GPR141: variants seen among roughly 807,000 people sequenced by gnomAD.
GPR141 encodes G protein-coupled receptor 141, also known as probable G protein-coupled receptor 141.
Under a neutral mutation model 6.8 loss-of-function variants are expected in GPR141, and 6 were observed. The ratio of observed to expected loss-of-function variants is 0.88; its 90% CI spans 0.48 to 1.74. The LOEUF (loss-of-function observed/expected upper bound fraction) is 1.74. GPR141 is among the 40% of genes most tolerant of loss of function. The pLI is 0.01. For synonymous variants in GPR141, 140 were observed against 142.3 expected (o/e 0.98, Z 0.11); for missense variants, 372 against 372.9 (o/e 1.00, Z 0.02).
At chr7:37,718,586 A>C (rs1186753145) in intron 2 of GPR141, among the ~76,000 whole-genome samples, 1 of 152,136 alleles carries the variant, frequency 6.6e-6, no homozygotes, top group African/African-American at 2.4e-5. Flanking sequence ...TCTAGAAAAG[A>C]AGGTTTAGAG....
At chr7:37,730,171 C>T (rs1171391499) in intron 2 of GPR141, 7 of 152,138 alleles carry the variant, frequency 4.6e-5, no homozygotes, top group Non-Finnish European at 1.0e-4. Flanking sequence ...CCTTCTTTCT[C>T]TTCTCTCTTT....
chr7:37,715,141 G>A (rs1810985599), intron 2 of GPR141, among the ~76,000 whole-genome samples: 1 of 152,120 alleles, frequency 6.6e-6, no homozygotes, highest in African/African-American at 2.4e-5. Flanking sequence ...GTGTTTTAGA[G>A]ACAGAGTCTC....
chr7:37,705,386 A>G (rs1810481283), intron 2 of GPR141, among the ~76,000 whole-genome samples: 1 of 152,206 alleles, frequency 6.6e-6, no homozygotes, highest in Non-Finnish European at 1.5e-5. Flanking sequence ...ACATCTAGAG[A>G]ATGTATTCTC....
intron 2 of GPR141, among the ~76,000 whole-genome samples, chr7:37,702,002 T>A (rs1810297500): frequency 1.3e-5 from 2 of 152,194 alleles, no homozygotes; most frequent in Non-Finnish European, 2.9e-5. Context: ...GCAACCTACA[T>A]GGTTTAAGGC....
At position 37,690,792 on chromosome 7, in the gene GPR141, C is replaced by T. The variant is rs539801618; in HGVS notation, c.-15+5209C>T. ...AAAAAAAAAAAGTGTATTCTGCAGCCGCTAGATGAAATGTTCTGTAAATAT... is the reference window on the plus strand; with the variant it reads ...AAAAAAAAAAAGTGTATTCTGCAGCTGCTAGATGAAATGTTCTGTAAATAT... On this transcript the variant is annotated intron_variant, in intron 2 of 2. Transcript: ENST00000334425. 8.1e-4 allele frequency among the ~76,000 whole-genome samples: 123 copies of T among 152,022 alleles called. No individual in the cohort carries two copies. In the Middle Eastern group the frequency reaches 0.02, roughly 25 times the overall value.
intron 2 of GPR141, among the ~76,000 whole-genome samples, chr7:37,733,981 G>A (rs1812113700): frequency 6.6e-6 from 1 of 152,064 alleles, no homozygotes; most frequent in South Asian, 2.1e-4. Flanking sequence ...AGACCAGCCT[G>A]GGCAACATGG....
rs143169383 is a variant in GPR141 at position 37,741,061 on chromosome 7, C to A, written c.668C>A (p.Ala223Asp). 3.2e-4 allele frequency: 524 copies of A among 1,614,104 alleles called. No homozygotes were observed. The highest frequency in any genetic ancestry group is 4.1e-4 in the Non-Finnish European group (483 of 1,179,962). Reference protein sequence around the residue: ...HSLLSHQEFWAQLKNLFFIGV... With the variant: ...HSLLSHQEFWDQLKNLFFIGV... ...TTACTATCCCACCAGGAGTTCTGGG[C>A]TCAGCTGAAAAACCTATTTTTTATA... is the stretch of plus-strand genomic sequence containing the variant. Residue 223 changes from alanine (A) to aspartate (D), a missense_variant, in exon 3 of 3, where the codon GCT becomes GAT. Ala to Asp is a moderately radical substitution (Grantham distance 126, BLOSUM62 -2). Transcript: ENST00000334425.
chr7:37,714,690 C>G (rs900302607), intron 2 of GPR141, among the ~76,000 whole-genome samples: 3 of 152,208 alleles, frequency 2.0e-5, no homozygotes, highest in Non-Finnish European at 2.9e-5. Flanking sequence ...TCCTCACTTT[C>G]CAATGAATAT....
chr7:37,716,976 TA>T (rs1414244599), intron 2 of GPR141, among the ~76,000 whole-genome samples: 2 of 152,176 alleles, frequency 1.3e-5, no homozygotes, highest in African/African-American at 4.8e-5. Flanking sequence ...TGTGAGCATT[TA>T]AAAGGGCTCA....
chr7:37,709,386 G>A (rs1393478176), intron 2 of GPR141, among the ~76,000 whole-genome samples: 1 of 152,112 alleles, frequency 6.6e-6, no homozygotes, highest in African/African-American at 2.4e-5. Flanking sequence ...TTATGTGAGT[G>A]GAGCATAATT....
At chr7:37,698,524 T>C (rs1810130391) in intron 2 of GPR141, among the ~76,000 whole-genome samples, 1 of 152,040 alleles carries the variant, frequency 6.6e-6, no homozygotes, top group African/African-American at 2.4e-5. Flanking sequence ...TTAGAAACAG[T>C]CTGTGGAAGG....
At chr7:37,723,417 GAA>G (rs759149640) in intron 2 of GPR141, among the ~76,000 whole-genome samples, 1 of 145,684 alleles carries the variant, frequency 6.9e-6, no homozygotes, top group African/African-American at 2.5e-5. Flanking sequence ...TTACTAGGAA[GAA>G]AAAAAAAAAG....
chr7:37,708,763 C>T (rs1424811098), intron 2 of GPR141, among the ~76,000 whole-genome samples: 1 of 152,098 alleles, frequency 6.6e-6, no homozygotes, highest in Non-Finnish European at 1.5e-5. Context: ...CAAATGCTTT[C>T]CTTAAAGCAC....
chr7:37,715,578 A>G (rs1449733854), intron 2 of GPR141, among the ~76,000 whole-genome samples: 1 of 152,208 alleles, frequency 6.6e-6, no homozygotes, highest in Non-Finnish European at 1.5e-5. Context: ...TTAGTTCCAT[A>G]TTACAGATGA....
rs1247526767 is a variant in GPR141 at position 37,740,524 on chromosome 7, A to G, written c.131A>G (p.Lys44Arg). ...GVISILFLLV[K>R]MNTRSVTTMA... ...ATTTCCATTCTTTTCCTCCTGGTGAAAATGAACACCCGGTCAGTGACCACC... is the reference window on the plus strand; with the variant it reads ...ATTTCCATTCTTTTCCTCCTGGTGAGAATGAACACCCGGTCAGTGACCACC... The change falls in exon 3 of 3, where the codon AAA (lysine) becomes AGA (arginine). Residue 44 changes from lysine (K) to arginine (R), a missense_variant. Lys to Arg is a conservative substitution (Grantham distance 26). Coordinates refer to ENST00000334425, the MANE Select transcript of GPR141 (RefSeq NM_001381946.1). The G allele has an allele frequency of 6.2e-7, 1 of 1,614,092 alleles. No individual in the cohort carries two copies. The highest frequency in any genetic ancestry group is 1.7e-5 in the Admixed American group (1 of 60,002).
rs909593211 is a variant in GPR141 at position 37,742,838 on chromosome 7, C to T, written c.*1527C>T. Among the ~76,000 whole-genome samples, 20 of 152,078 alleles carry T rather than the reference C, an allele frequency of 1.3e-4. No individual in the cohort carries two copies. The highest frequency in any genetic ancestry group is 1.5e-5 in the Non-Finnish European group (1 of 68,010). On this transcript the variant is annotated 3_prime_UTR_variant, in exon 3 of 3. Coordinates refer to ENST00000334425, the MANE Select transcript of GPR141 (RefSeq NM_001381946.1). ...TATGTAACAAACCTGCACATGTACC[C>T]CTGAACTTAAAATAAAATTTAAAGT...
intron 2 of GPR141, among the ~76,000 whole-genome samples, chr7:37,725,420 C>A (rs1430229543): frequency 6.6e-6 from 1 of 152,098 alleles, no homozygotes; most frequent in Non-Finnish European, 1.5e-5. Context: ...GGTGAGGCAT[C>A]CAGGGCTCCT....
intron 2 of GPR141, among the ~76,000 whole-genome samples, chr7:37,722,923 TTTCCTTCCTTCC>T (rs796368390): frequency 0.1 from 11,331 of 112,192 alleles, 663 homozygotes; most frequent in East Asian, 0.19. Flanking sequence ...TTCTTTTTCC[TTTCCTTCCTTCC>T]TTCCTTCCTT....
In GPR141 at chr7:37,740,703, C is replaced by T. The variant is rs1346896588; in HGVS notation, c.310C>T (p.Leu104=). The change falls in exon 3 of 3, where the codon CTA becomes TTA. Residue 104 remains leucine (L), a synonymous_variant. Coordinates refer to ENST00000334425, the MANE Select transcript of GPR141 (RefSeq NM_001381946.1). ...MLHIHMYLTF[L]FYVVILVTRY... is the part of the protein sequence containing the mutation. ...GCACATCCACATGTACCTCACGTTC[C>T]TATTCTATGTGGTGATCCTGGTCAC... 1.2e-6 allele frequency: 2 copies of T among 1,614,110 alleles called. No individual in the cohort carries two copies. The highest frequency in any genetic ancestry group is 1.6e-4 in the Middle Eastern group (1 of 6,062).
Sources: allele counts gnomAD v4.1 joint callset (sites outside exome capture counted in the v4.1 genomes callset), GRCh38; gene constraint gnomAD v4.1.1; transcripts MANE v1.5; gene names NCBI Gene and HGNC (gene_info 2026-07-23, HGNC 2026-07-21).